The following GBE1 variants were observed in gnomAD, a reference collection of about 807,000 sequenced individuals.
GBE1 encodes 1,4-alpha-glucan branching enzyme 1, also known as 1,4-alpha-glucan-branching enzyme.
In GBE1, 70 loss-of-function variants were observed where a neutral mutation model predicts 88.8. That is an observed-to-expected ratio of 0.79 (90% CI 0.65 to 0.96). The LOEUF (loss-of-function observed/expected upper bound fraction) is 0.96, where lower values mean the gene tolerates loss of function less well. Ranked by LOEUF, GBE1 falls within the 40% of genes least tolerant of loss-of-function variation. The pLI, the probability that GBE1 is intolerant of heterozygous loss-of-function variation, is 0.00. For missense variants in GBE1, 872 were observed against 871.0 expected (o/e 1.00, Z -0.01); for synonymous variants, 284 against 300.1 (o/e 0.95, Z 0.56).
chr3:81,629,244 G>A (rs1356524545), intron 7 of GBE1, among the ~76,000 whole-genome samples: 1 of 129,994 alleles, frequency 7.7e-6, no homozygotes, highest in Non-Finnish European at 1.5e-5. Flanking sequence ...TGATCTCATT[G>A]TTCAATTCCC....
At chr3:81,743,719 C>T in intron 1 of GBE1, 1 of 810,576 alleles carries the variant, frequency 1.2e-6, no homozygotes, top group Non-Finnish European at 1.9e-6. Flanking sequence ...TTTACTTTGT[C>T]TGGCCCATGT....
intron 3 of GBE1, among the ~76,000 whole-genome samples, chr3:81,652,695 G>T (rs773008874): frequency 1.3e-5 from 2 of 152,130 alleles, no homozygotes; most frequent in Non-Finnish European, 2.9e-5. Context: ...TAGTACATTT[G>T]TCTATAGTAG....
intron 7 of GBE1, among the ~76,000 whole-genome samples, chr3:81,634,498 G>A (rs115278544): frequency 9.7e-4 from 148 of 152,216 alleles, no homozygotes; most frequent in Non-Finnish European, 1.7e-3. Flanking sequence ...CATCTTGTGT[G>A]GCTTTCTTCA....
chr3:81,699,119 C>T (rs1471362500), intron 2 of GBE1, among the ~76,000 whole-genome samples: 1 of 152,156 alleles, frequency 6.6e-6, no homozygotes, highest in African/African-American at 2.4e-5. Context: ...TCTAGAATCC[C>T]AAGGCTGCCT....
At position 81,548,121 on chromosome 3, in the gene GBE1, C is replaced by A. The variant is rs1447395946; in HGVS notation, c.1619-11026G>T. Among the ~76,000 whole-genome samples, 2 of 151,378 alleles carry A rather than the reference C, an allele frequency of 1.3e-5. 1 individual carries two copies. On this transcript the variant is annotated intron_variant, in intron 12 of 15. Coordinates refer to ENST00000429644, the MANE Select transcript of GBE1 (RefSeq NM_000158.4). ...GTGTGACATTTGCCATTTTTTAATT[C>A]TCTTCCCCTCTAGGAACCATCTTTG...
intron 9 of GBE1, 106 bp downstream of exon 9, chr3:81,590,931 T>C: frequency 1.0e-6 from 1 of 971,668 alleles, no homozygotes; most frequent in Non-Finnish European, 1.5e-6. Flanking sequence ...TAGAATTTCA[T>C]TTACGCAATT....
intron 12 of GBE1, among the ~76,000 whole-genome samples, chr3:81,557,859 A>G (rs1324748637): frequency 6.6e-6 from 1 of 152,044 alleles, no homozygotes; most frequent in Non-Finnish European, 1.5e-5. Context: ...CAGGAGAATC[A>G]TAACATAACA....
At chr3:81,647,721 T>G (rs1704785789) in intron 5 of GBE1, among the ~76,000 whole-genome samples, 1 of 152,192 alleles carries the variant, frequency 6.6e-6, no homozygotes, top group Admixed American at 6.5e-5. Flanking sequence ...TAATGGCAGT[T>G]CATGTAACTA....
At chr3:81,703,985 G>A (rs1330024738) in intron 2 of GBE1, among the ~76,000 whole-genome samples, 2 of 151,860 alleles carry the variant, frequency 1.3e-5, no homozygotes, top group East Asian at 1.9e-4. Flanking sequence ...AGAAGTTGTA[G>A]AACAAGTTCC....
At chr3:81,730,770 A>T (rs1248189042) in intron 1 of GBE1, among the ~76,000 whole-genome samples, 3 of 152,208 alleles carry the variant, frequency 2.0e-5, no homozygotes. Context: ...AACTTCATAA[A>T]GAACCCCGTG....
At chr3:81,738,450 A>T (rs540044227) in intron 1 of GBE1, among the ~76,000 whole-genome samples, 1 of 152,088 alleles carries the variant, frequency 6.6e-6, no homozygotes, top group Admixed American at 6.6e-5. Context: ...CCATTCTAAC[A>T]GGCGTGAGAT....
chr3:81,692,890 C>T (rs1284902303), intron 2 of GBE1, among the ~76,000 whole-genome samples: 4 of 152,174 alleles, frequency 2.6e-5, no homozygotes, highest in East Asian at 1.9e-4. Context: ...ATTACTAAAA[C>T]TCATCTGCAT....
At chr3:81,568,054 A>G (rs1441367813) in intron 12 of GBE1, among the ~76,000 whole-genome samples, 1 of 152,100 alleles carries the variant, frequency 6.6e-6, no homozygotes, top group Admixed American at 6.6e-5. Flanking sequence ...GGGCTTTTGA[A>G]CATTCTGTAA....
chr3:81,591,266 T>A lies in GBE1; in HGVS notation c.1109-102A>T, dbSNP rs1477876395. ...TAGTTTGTTTATATGAATTTTGTTA[T>A]TGTAGCAGTTTAATAACATAAGCAT... On this transcript the variant is annotated intron_variant, in intron 8 of 15. Coordinates refer to ENST00000429644, the MANE Select transcript of GBE1 (RefSeq NM_000158.4). The A allele has an allele frequency of 5.6e-6, 5 of 897,788 alleles. No homozygotes were observed. The African/African-American group carries it at 6.8e-5, about 12-fold the overall frequency. 55.6% of individuals were successfully genotyped at this position (897,788 alleles called of 1,614,324 possible).
rs557969938 is a variant in GBE1, at chr3:81,653,661, G to A, written c.430-3740C>T. On this transcript the variant is annotated intron_variant, in intron 3 of 15. Transcript: ENST00000429644. ...CAGAGTGACTGAATAATGTATAGTT[G>A]TTAAAAAATATACTATTTAAGCATA... Among the ~76,000 whole-genome samples the A allele has an allele frequency of 7.2e-5, 11 of 152,212 alleles. 1 individual carries two copies. The South Asian group carries it at 2.3e-3, about 32-fold the overall frequency.
chr3:81,692,341 C>T (rs996970667), intron 2 of GBE1, among the ~76,000 whole-genome samples: 7 of 152,138 alleles, frequency 4.6e-5, no homozygotes, highest in Non-Finnish European at 1.0e-4. Context: ...TATACAGTCT[C>T]GTTTATGTTT....
chr3:81,618,973 A>G (rs918131136), intron 7 of GBE1, among the ~76,000 whole-genome samples: 1 of 147,522 alleles, frequency 6.8e-6, no homozygotes, highest in African/African-American at 2.6e-5. Flanking sequence ...TATATATGAG[A>G]TTCTTTTTAA....
At chr3:81,677,817 T>A (rs1341997870) in intron 2 of GBE1, among the ~76,000 whole-genome samples, 1 of 152,172 alleles carries the variant, frequency 6.6e-6, no homozygotes, top group Non-Finnish European at 1.5e-5. Context: ...CCCCTCCCTA[T>A]CACTATTACC....
chr3:81,576,637 G>A (rs1256582778), intron 12 of GBE1, among the ~76,000 whole-genome samples: 2 of 152,090 alleles, frequency 1.3e-5, no homozygotes. Context: ...AGGAACTAAG[G>A]CTGACTTTAT....
Sources: gnomAD v4.1 joint callset for allele counts (sites outside exome capture counted in the v4.1 genomes callset) on GRCh38, gnomAD v4.1.1 for gene constraint, MANE v1.5 for transcripts, NCBI Gene and HGNC (gene_info 2026-07-23, HGNC 2026-07-21) for gene names.